Variants in PPP1R16A observed in about 807,000 individuals in gnomAD.
The protein encoded by PPP1R16A is myosin phosphatase-targeting subunit 3.
PPP1R16A carries 39 observed loss-of-function variants against 46.6 expected under a neutral mutation model. The observed-to-expected ratio is 0.84, with a 90% CI of 0.65 to 1.09. PPP1R16A has a LOEUF of 1.09. PPP1R16A is among the 50% of genes least tolerant of loss of function. The probability of loss-of-function intolerance (pLI) is 0.00; values close to 1 mark genes in which losing one functional copy is unlikely to be tolerated. For missense variants in PPP1R16A, 798 were observed against 735.6 expected (o/e 1.08, Z -0.98); for synonymous variants, 413 against 321.5 (o/e 1.28, Z -3.04).
intron 1 of PPP1R16A, among the ~76,000 whole-genome samples, chr8:144,486,839 AG>A (rs1279226320): frequency 1.3e-5 from 2 of 152,086 alleles, no homozygotes; most frequent in African/African-American, 4.8e-5. Context: ...GCAAGGCAAA[AG>A]TTTTTAATCT....
At chr8:144,481,336 C>T (rs982945004) in intron 1 of PPP1R16A, among the ~76,000 whole-genome samples, 1 of 152,176 alleles carries the variant, frequency 6.6e-6, no homozygotes, top group African/African-American at 2.4e-5. Context: ...GTAGGTTTGG[C>T]GTCCCTTTTT....
chr8:144,498,674 GTC>G (rs1164925137), intron 3 of PPP1R16A, 94 bp from the exon 4 acceptor site: 1 of 1,267,326 alleles, frequency 7.9e-7, no homozygotes. Context: ...CGGCACCACT[GTC>G]TTCCTTGTCC....
intron 7 of PPP1R16A, 47 bp from the exon 8 acceptor site, chr8:144,500,440 T>G: frequency 6.5e-7 from 1 of 1,535,234 alleles, no homozygotes; most frequent in Non-Finnish European, 8.7e-7. Context: ...CCTCGCTACT[T>G]GGAGGTGGGG....
intron 5 of PPP1R16A, 192 bp downstream of exon 5, chr8:144,499,253 C>T (rs755016041): frequency 3.2e-5 from 24 of 738,910 alleles, no homozygotes; most frequent in Non-Finnish European, 4.2e-5. Flanking sequence ...CCCAGGGCAG[C>T]GCGGTCCCTG....
At chr8:144,501,043 C>T in intron 10 of PPP1R16A, 72 bp downstream of exon 10, 1 of 1,521,418 alleles carries the variant, frequency 6.6e-7, no homozygotes, top group Non-Finnish European at 8.8e-7. Flanking sequence ...GGAGTGCCAG[C>T]CGAACTGGGG....
intron 9 of PPP1R16A, 24 bp downstream of exon 9, chr8:144,500,785 A>C: frequency 1.2e-6 from 2 of 1,608,510 alleles, no homozygotes; most frequent in South Asian, 1.1e-5. Flanking sequence ...GCCCACCTCC[A>C]CCTGGGGGAG....
chr8:144,501,617 A>C lies in PPP1R16A; in HGVS notation c.1301A>C (p.Tyr434Ser), dbSNP rs763068488. The C allele has an allele frequency of 1.9e-6, 3 of 1,609,938 alleles. No individual in the cohort carries two copies. The Admixed American group carries it at 5.0e-5, about 27-fold the overall frequency. The change falls in exon 12 of 12, where the codon TAC becomes TCC. Residue 434 changes from tyrosine to serine, a missense_variant. Tyr to Ser is a moderately radical substitution (Grantham distance 144). Coordinates refer to ENST00000435887, the MANE Select transcript of PPP1R16A (RefSeq NM_001329443.2). ...AAGCGACTAGACCGGAGTGTCTCCTACCAGCTGAGCCCCCTGGACAGCACC... is the reference window on the plus strand; with the variant it reads ...AAGCGACTAGACCGGAGTGTCTCCTCCCAGCTGAGCCCCCTGGACAGCACC... ...YSKRLDRSVS[Y>S]QLSPLDSTTP...
chr8:144,498,403 G>A (rs1426882149), intron 3 of PPP1R16A: 1 of 330,806 alleles, frequency 3.0e-6, no homozygotes. Flanking sequence ...GGGCTGGCAG[G>A]TTGTCAGGGA....
At chr8:144,486,349 G>A (rs994806110) in intron 1 of PPP1R16A, among the ~76,000 whole-genome samples, 1 of 152,098 alleles carries the variant, frequency 6.6e-6, no homozygotes, top group African/African-American at 2.4e-5. Context: ...TTACAGGCGT[G>A]AGCCACCACG....
At chr8:144,481,045 C>T (rs942487046) in intron 1 of PPP1R16A, among the ~76,000 whole-genome samples, 10 of 151,692 alleles carry the variant, frequency 6.6e-5, no homozygotes, top group Admixed American at 3.9e-4. Context: ...CCCACCACCA[C>T]GCCCGGCTAA....
Position 144,497,018 on chromosome 8 carries a change from G to A in PPP1R16A, c.-177G>A. On this transcript the variant is annotated 5_prime_UTR_variant, in exon 3 of 12. Coordinates refer to ENST00000435887, the MANE Select transcript of PPP1R16A (RefSeq NM_001329443.2). ...GCCCCGGCCCATGCCCCCCAGGGCT[G>A]CCTGGGCCTGGTTATTGTGTGGGGC... The A allele has an allele frequency of 1.2e-6, 1 of 820,676 alleles. No individual in the cohort carries two copies. Among genetic ancestry groups the A allele is most frequent in the South Asian group, 1.7e-5 (1 of 58,330 alleles). The allele number at this position is 820,676 out of a possible 1,614,324, so 50.8% of individuals were successfully genotyped here. A position where few individuals can be genotyped will look rare whatever the true frequency, so the allele number is the denominator to read the frequency against.
In PPP1R16A at chr8:144,501,881, G is replaced by T; in HGVS notation, c.1565G>T (p.Arg522Met). The change falls in exon 12 of 12, where the codon AGG becomes ATG. Residue 522 changes from arginine to methionine, a missense_variant. Physicochemically the swap from Arg to Met is moderately conservative, Grantham distance 91. Transcript: ENST00000435887. ...APAVEAPVERRPCCLLM is the reference protein window; with the variant it reads ...APAVEAPVERMPCCLLM ...GCGGTGGAGGCTCCCGTGGAGAGGA[G>T]GCCGTGCTGCCTGCTCATGTGAGGC... The T allele has an allele frequency of 6.5e-7, 1 of 1,535,888 alleles. No individual in the cohort carries two copies. Among genetic ancestry groups the T allele is most frequent in the South Asian group, 1.2e-5 (1 of 83,622 alleles).
rs772745701 is a variant in PPP1R16A at position 144,497,158 on chromosome 8, G to T, written c.-37G>T. ...CCTGGCCCCCAAGCTCCCCACTCTG[G>T]TGCCCCGAGCAGCCCTGTGGGCAAG... On this transcript the variant is annotated 5_prime_UTR_variant, in exon 3 of 12. Coordinates refer to ENST00000435887, the MANE Select transcript of PPP1R16A (RefSeq NM_001329443.2). 3.2e-6 allele frequency: 5 copies of T among 1,541,582 alleles called. No individual in the cohort carries two copies. The African/African-American group carries it at 6.8e-5, about 21-fold the overall frequency.
At chr8:144,478,973 T>A (rs1200681829) in intron 1 of PPP1R16A, 3 of 153,054 alleles carry the variant, frequency 2.0e-5, no homozygotes, top group African/African-American at 7.2e-5. Context: ...GCCTTCCTTT[T>A]CTTCCTGGAT....
intron 2 of PPP1R16A, chr8:144,495,842 C>T (rs1329413313): frequency 1.3e-5 from 2 of 152,322 alleles, no homozygotes. Flanking sequence ...GGGTTGTGCC[C>T]CAGCCGAAGC....
chr8:144,486,059 G>A (rs1258076369), intron 1 of PPP1R16A, among the ~76,000 whole-genome samples: 1 of 152,180 alleles, frequency 6.6e-6, no homozygotes, highest in Middle Eastern at 3.2e-3. Flanking sequence ...TGTTTCACCT[G>A]TTACAAGACA....
intron 11 of PPP1R16A, 113 bp downstream of exon 11, chr8:144,501,407 C>G: frequency 6.8e-7 from 1 of 1,478,252 alleles, no homozygotes; most frequent in Non-Finnish European, 9.0e-7. Flanking sequence ...CCTGCAGGGG[C>G]CAGCTTTTGC....
rs779790078 is a variant in PPP1R16A at position 144,501,145 on chromosome 8, G to A, written c.1054G>A (p.Val352Met). 3 of 1,610,878 alleles carry A rather than the reference G, an allele frequency of 1.9e-6. No individual in the cohort carries two copies. Among genetic ancestry groups the A allele is most frequent in the East Asian group, 4.5e-5 (2 of 44,876 alleles). Residue 352 changes from valine to methionine, a missense_variant, in exon 11 of 12, where the codon GTG becomes ATG. Physicochemically the swap from Val to Met is conservative, Grantham distance 21. Coordinates refer to ENST00000435887, the MANE Select transcript of PPP1R16A (RefSeq NM_001329443.2). ...CCTCCCCAGGAAGGTGGTGAGGCGGGTGAGCCTAACCCAGCGCACCGACCT... is the reference window on the plus strand; with the variant it reads ...CCTCCCCAGGAAGGTGGTGAGGCGGATGAGCCTAACCCAGCGCACCGACCT... ...AGSRGKVVRRVSLTQRTDLYR... is the reference protein window; with the variant it reads ...AGSRGKVVRRMSLTQRTDLYR...
At chr8:144,481,302 C>T (rs1825413336) in intron 1 of PPP1R16A, among the ~76,000 whole-genome samples, 1 of 152,124 alleles carries the variant, frequency 6.6e-6, no homozygotes, top group Non-Finnish European at 1.5e-5. Flanking sequence ...CCAGCCCAGG[C>T]AATAGTGATC....
Sources: gnomAD v4.1 joint callset for allele counts (sites outside exome capture counted in the v4.1 genomes callset) on GRCh38, gnomAD v4.1.1 for gene constraint, MANE v1.5 for transcripts, NCBI Gene and HGNC (gene_info 2026-07-23, HGNC 2026-07-21) for gene names.